Variants in EFR3A observed in about 807,000 individuals in gnomAD.
EFR3A encodes protein EFR3 homolog A.
EFR3A carries 76 observed loss-of-function variants against 104.4 expected under a neutral mutation model. That is an observed-to-expected ratio of 0.73 (90% CI 0.60 to 0.88). The LOEUF is 0.88. EFR3A is among the 40% of genes least tolerant of loss of function. EFR3A has a pLI of 0.00. For synonymous variants in EFR3A, 330 were observed against 330.0 expected (o/e 1.00, Z 0.00); for missense variants, 985 against 1,012.5 (o/e 0.97, Z 0.37).
At chr8:131,943,215 A>G (rs1432727770) in intron 2 of EFR3A, among the ~76,000 whole-genome samples, 1 of 151,940 alleles carries the variant, frequency 6.6e-6, no homozygotes, top group Non-Finnish European at 1.5e-5. Context: ...CAAAGTTGAA[A>G]CACTTCTGAT....
chr8:132,010,550 G>T (rs903481733), intron 22 of EFR3A, among the ~76,000 whole-genome samples: 2 of 150,286 alleles, frequency 1.3e-5, no homozygotes, highest in East Asian at 2.0e-4. Context: ...GAGTATAATC[G>T]CATTTAAAAT....
chr8:131,913,543 C>CT (rs561723593), intron 1 of EFR3A, among the ~76,000 whole-genome samples: 9 of 152,036 alleles, frequency 5.9e-5, no homozygotes, highest in Non-Finnish European at 1.2e-4. Context: ...GCTTTACAGT[C>CT]TTTAAGAGGA....
chr8:131,971,494 C>G (rs1200249380), intron 10 of EFR3A, among the ~76,000 whole-genome samples: 2 of 152,110 alleles, frequency 1.3e-5, no homozygotes, highest in African/African-American at 4.8e-5. Flanking sequence ...CAAGACCATC[C>G]TAGCTAACAC....
At position 131,987,628 on chromosome 8, in the gene EFR3A, A is replaced by T. The variant is rs755537506; in HGVS notation, c.1991A>T (p.Lys664Met). 1 of 1,598,176 alleles carries T rather than the reference A, an allele frequency of 6.3e-7. No homozygotes were observed. Among genetic ancestry groups the T allele is most frequent in the Admixed American group, 1.7e-5 (1 of 57,764 alleles). Residue 664 changes from lysine to methionine, a missense_variant, in exon 18 of 23, where the codon AAG becomes ATG. Coordinates refer to ENST00000254624, the MANE Select transcript of EFR3A (RefSeq NM_015137.6). The stretch of plus-strand genomic sequence containing the variant: ...AAAGATTTGTACTTTCTGACCAACA[A>T]GATTGCAGAGTCGCTAGGTGGAAGT... The part of the protein sequence containing the change: ...HEKDLYFLTN[K>M]IAESLGGSGY...
At chr8:131,992,613 A>G (rs1005543487) in intron 18 of EFR3A, among the ~76,000 whole-genome samples, 2 of 152,188 alleles carry the variant, frequency 1.3e-5, no homozygotes, top group Non-Finnish European at 2.9e-5. Context: ...ACAAGTAGAA[A>G]TAATTGGAGT....
intron 5 of EFR3A, 140 bp downstream of exon 5, chr8:131,950,230 C>T: frequency 1.1e-6 from 1 of 924,582 alleles, no homozygotes; most frequent in Non-Finnish European, 1.6e-6. Context: ...GCTATAATTG[C>T]TGACTGAAGT....
intron 8 of EFR3A, among the ~76,000 whole-genome samples, chr8:131,961,433 A>G (rs1819321695): frequency 6.6e-6 from 1 of 152,254 alleles, no homozygotes; most frequent in Non-Finnish European, 1.5e-5. Context: ...TCAGTAGCCG[A>G]TTCGATCAAC....
At chr8:131,951,998 A>G (rs1818726985) in intron 5 of EFR3A, among the ~76,000 whole-genome samples, 1 of 152,084 alleles carries the variant, frequency 6.6e-6, no homozygotes, top group African/African-American at 2.4e-5. Flanking sequence ...TCCAGGGGAC[A>G]TGGACAGTAG....
chr8:131,907,262 G>A (rs561206567), intron 1 of EFR3A, among the ~76,000 whole-genome samples: 13 of 152,300 alleles, frequency 8.5e-5, no homozygotes, highest in Admixed American at 3.3e-4. Flanking sequence ...TATCACTGGT[G>A]TGCTAAGTAG....
chr8:131,937,888 A>G (rs571738031), intron 1 of EFR3A, among the ~76,000 whole-genome samples: 8 of 151,566 alleles, frequency 5.3e-5, no homozygotes, highest in Admixed American at 2.0e-4. Context: ...AGAAGCTAGG[A>G]TAAGGAGGAA....
intron 1 of EFR3A, among the ~76,000 whole-genome samples, chr8:131,935,967 C>A (rs1216280982): frequency 2.0e-5 from 3 of 151,888 alleles, no homozygotes; most frequent in Non-Finnish European, 4.4e-5. Flanking sequence ...CAACCACTTA[C>A]AATATTGGTT....
At chr8:131,935,829 T>C (rs1252495171) in intron 1 of EFR3A, among the ~76,000 whole-genome samples, 1 of 151,844 alleles carries the variant, frequency 6.6e-6, no homozygotes, top group Admixed American at 6.6e-5. Flanking sequence ...AATAGTATAG[T>C]CCCTTGAAAG....
intron 1 of EFR3A, among the ~76,000 whole-genome samples, chr8:131,920,097 A>G (rs1266118819): frequency 1.3e-5 from 2 of 152,140 alleles, no homozygotes; most frequent in African/African-American, 4.8e-5. Flanking sequence ...TGCTGCTAGA[A>G]TTTTGTGAAA....
intron 1 of EFR3A, among the ~76,000 whole-genome samples, chr8:131,923,009 C>T (rs1298760604): frequency 2.6e-5 from 4 of 152,160 alleles, no homozygotes; most frequent in East Asian, 1.9e-4. Flanking sequence ...CAATGTTCTC[C>T]GCAGAATGAA....
At chr8:131,937,521 T>C (rs1281506655) in intron 1 of EFR3A, among the ~76,000 whole-genome samples, 1 of 152,158 alleles carries the variant, frequency 6.6e-6, no homozygotes, top group Admixed American at 6.5e-5. Flanking sequence ...ATTCTTCTAG[T>C]GTATCATAAT....
In EFR3A at chr8:132,011,071, G is replaced by T. The variant is rs190463522; in HGVS notation, c.*176G>T. 2 of 1,257,492 alleles carry T rather than the reference G, an allele frequency of 1.6e-6. No homozygotes were observed. The highest frequency in any genetic ancestry group is 1.5e-5 in the African/African-American group (1 of 66,678). 77.9% of individuals were successfully genotyped at this position (1,257,492 alleles called of 1,614,324 possible). On this transcript the variant is annotated 3_prime_UTR_variant, in exon 23 of 23. Transcript: ENST00000254624. ...AAGTTTTGGAGCTATATATAATTTC[G>T]AGTACTTTCAAAGATAGATTTATGC...
chr8:131,943,201 T>C (rs1320572281), intron 2 of EFR3A, among the ~76,000 whole-genome samples: 76 of 152,018 alleles, frequency 5.0e-4, no homozygotes, highest in Admixed American at 4.9e-3. Context: ...TCTGAAAAAA[T>C]AGCCAAAGTT....
intron 10 of EFR3A, among the ~76,000 whole-genome samples, chr8:131,974,388 G>T (rs1014391621): frequency 7.9e-5 from 12 of 152,180 alleles, no homozygotes; most frequent in African/African-American, 2.9e-4. Context: ...AAAGAGAAGT[G>T]CAGGGTACTT....
intron 18 of EFR3A, among the ~76,000 whole-genome samples, chr8:131,990,085 C>T (rs1821093062): frequency 6.6e-6 from 1 of 152,130 alleles, no homozygotes; most frequent in Non-Finnish European, 1.5e-5. Context: ...CTCCAGTGTG[C>T]CAGCTGCTGT....
Sources: gnomAD v4.1 joint callset for allele counts (sites outside exome capture counted in the v4.1 genomes callset) on GRCh38, gnomAD v4.1.1 for gene constraint, MANE v1.5 for transcripts, NCBI Gene and HGNC (gene_info 2026-07-23, HGNC 2026-07-21) for gene names.